Variants in PLCZ1 observed in about 807,000 individuals in gnomAD.
The protein encoded by PLCZ1 is phospholipase C zeta 1.
PLCZ1 carries 64 observed loss-of-function variants against 76.8 expected under a neutral mutation model. That is an observed-to-expected ratio of 0.83 (90% CI 0.68 to 1.03). PLCZ1 has a LOEUF of 1.03. Ranked by LOEUF, PLCZ1 falls within the 50% of genes least tolerant of loss-of-function variation. The pLI is 0.00. For synonymous variants in PLCZ1, 248 were observed against 230.8 expected, an observed-to-expected ratio of 1.07 and a Z score of -0.68; for missense variants, 751 against 713.7, an observed-to-expected ratio of 1.05 and a Z score of -0.60.
At chr12:18,721,653 C>A (rs544949166) in intron 4 of PLCZ1, among the ~76,000 whole-genome samples, 1 of 149,230 alleles carries the variant, frequency 6.7e-6, no homozygotes, top group Non-Finnish European at 1.5e-5. Context: ...TTGGCAATGA[C>A]ATAAAGAGCT....
At chr12:18,672,828 C>T in the PLCZ1 span, among the ~76,000 whole-genome samples, 1,065 of 152,180 alleles carry the variant, frequency 7.0e-3, 12 homozygotes, top group African/African-American at 0.024. Flanking sequence ...AGAAATGCTT[C>T]GATGTAGTCC....
the PLCZ1 span, among the ~76,000 whole-genome samples, chr12:18,670,163 T>C: frequency 0.011 from 1,693 of 152,254 alleles, 7 homozygotes; most frequent in African/African-American, 0.016. Context: ...GATCATTAGA[T>C]AGAAGAAGTA....
chr12:18,692,134 G>A (rs905703149), intron 12 of PLCZ1, among the ~76,000 whole-genome samples: 2 of 152,170 alleles, frequency 1.3e-5, no homozygotes, highest in Non-Finnish European at 2.9e-5. Flanking sequence ...GGGGAGCAGA[G>A]GAGCGCTCAG....
intron 4 of PLCZ1, 96 bp from the exon 5 acceptor site, chr12:18,719,728 G>T: frequency 1.3e-6 from 1 of 772,530 alleles, no homozygotes; most frequent in Non-Finnish European, 2.0e-6. Context: ...CAGTAGTAGA[G>T]CATATTTCTA....
intron 11 of PLCZ1, 91 bp downstream of exon 11, chr12:18,696,059 G>T: frequency 4.3e-6 from 3 of 696,942 alleles, no homozygotes; most frequent in South Asian, 1.6e-5. Context: ...ATCTTTTACA[G>T]AAAGCCCTTT....
At position 18,696,348 on chromosome 12, in the gene PLCZ1, A is replaced by ATATATATATATATATATATATATATC. The variant is rs10523511; in HGVS notation, c.1175-83_1175-82insGATATATATATATATATATATATATA. On this transcript the variant is annotated intron_variant, in intron 10 of 14. Coordinates refer to ENST00000266505, the MANE Select transcript of PLCZ1 (RefSeq NM_033123.4). ...TATATATATATATATATATATATAT[A>ATATATATATATATATATATATATATC]TATCATATAATTCTATAATAGTTTC... The ATATATATATATATATATATATATATC allele has an allele frequency of 7.7e-4, 164 of 214,238 alleles. 3 individuals are homozygous for ATATATATATATATATATATATATATC. Among genetic ancestry groups the ATATATATATATATATATATATATATC allele is most frequent in the Non-Finnish European group, 9.4e-4 (117 of 124,670 alleles). 13.3% of individuals were successfully genotyped at this position (214,238 alleles called of 1,614,324 possible).
chr12:18,684,417 T>C (rs1453991860), intron 13 of PLCZ1, 138 bp from the exon 14 acceptor site: 7 of 742,040 alleles, frequency 9.4e-6, no homozygotes, highest in African/African-American at 1.8e-5. Context: ...AGGTTTTTAA[T>C]ATACTCAGTG....
At position 18,693,813 on chromosome 12, in the gene PLCZ1, G is replaced by A. The variant is rs1015891777; in HGVS notation, c.1461+1097C>T. 3.3e-6 allele frequency: 5 copies of A among 1,521,494 alleles called. No individual in the cohort carries two copies. The Admixed American group carries it at 5.0e-5, about 15-fold the overall frequency. The allele number at this position is 1,521,494 out of a possible 1,614,324, so 94.2% of individuals were successfully genotyped here. ...GATCCAGCGCTTATCAGACCAGGCC[G>A]CATTGGCAGGAAGATTGAGTTCCCC... On this transcript the variant is annotated intron_variant, in intron 12 of 14. Coordinates refer to ENST00000266505, the MANE Select transcript of PLCZ1 (RefSeq NM_033123.4).
chr12:18,700,051 C>T, intron 9 of PLCZ1, 101 bp from the exon 10 acceptor site: 1 of 1,012,526 alleles, frequency 9.9e-7, no homozygotes, highest in South Asian at 1.4e-5. Flanking sequence ...TGATTTTCAT[C>T]TTTTCATAAG....
At chr12:18,714,340 T>A (rs1957698139) in intron 5 of PLCZ1, among the ~76,000 whole-genome samples, 1 of 152,048 alleles carries the variant, frequency 6.6e-6, no homozygotes, top group African/African-American at 2.4e-5. Context: ...CATAAGGCAA[T>A]GGTTAGTGCT....
At chr12:18,704,216 T>C (rs1044019281) in intron 7 of PLCZ1, among the ~76,000 whole-genome samples, 7 of 152,174 alleles carry the variant, frequency 4.6e-5, no homozygotes, top group African/African-American at 1.7e-4. Context: ...AGAAAATCTT[T>C]GATGAATGTG....
the PLCZ1 span, among the ~76,000 whole-genome samples, chr12:18,668,432 G>A: frequency 6.6e-6 from 1 of 152,128 alleles, no homozygotes; most frequent in African/African-American, 2.4e-5. Flanking sequence ...AAATCAAATG[G>A]AACCCAACCT....
intron 13 of PLCZ1, chr12:18,685,754 T>G (rs1953015594): frequency 2.4e-6 from 1 of 411,020 alleles, no homozygotes; most frequent in African/African-American, 2.0e-5. Flanking sequence ...TTATACTGAT[T>G]TCTTCTTCCT....
intron 9 of PLCZ1, 143 bp downstream of exon 9, chr12:18,701,358 T>A (rs951702941): frequency 2.8e-6 from 4 of 1,437,142 alleles, no homozygotes; most frequent in Non-Finnish European, 3.7e-6. Flanking sequence ...ACCATCGATG[T>A]TTTCAAAGTA....
the PLCZ1 span, among the ~76,000 whole-genome samples, chr12:18,663,529 T>C: frequency 6.6e-6 from 1 of 152,120 alleles, no homozygotes; most frequent in African/African-American, 2.4e-5. Flanking sequence ...TGGATTTTGA[T>C]ATCCATAGGA....
At chr12:18,657,421 A>C in the PLCZ1 span, among the ~76,000 whole-genome samples, 8 of 151,940 alleles carry the variant, frequency 5.3e-5, no homozygotes, top group African/African-American at 1.9e-4. Context: ...ATGAAAGCAC[A>C]AATGAAGACT....
chr12:18,713,833 A>T (rs1280629816), intron 5 of PLCZ1: 1 of 152,214 alleles, frequency 6.6e-6, no homozygotes, highest in African/African-American at 2.4e-5. Flanking sequence ...TACCTAAAAA[A>T]TAAATATTGG....
At chr12:18,674,142 T>C in the PLCZ1 span, among the ~76,000 whole-genome samples, 1 of 152,160 alleles carries the variant, frequency 6.6e-6, no homozygotes, top group Non-Finnish European at 1.5e-5. Context: ...GAAAAGCATA[T>C]AGAAACACAT....
rs559067913 is a variant in PLCZ1 at position 18,708,767 on chromosome 12, T to C, written c.715-3452A>G. On this transcript the variant is annotated intron_variant, in intron 6 of 14. Coordinates refer to ENST00000266505, the MANE Select transcript of PLCZ1 (RefSeq NM_033123.4). The stretch of plus-strand genomic sequence containing the variant: ...TTTGCATTTCCCTGGTGACTAATAA[T>C]GTTGAGTACCTTTTCATATACTTGT... Among the ~76,000 whole-genome samples the C allele has an allele frequency of 3.9e-5, 6 of 152,316 alleles. No individual in the cohort carries two copies. In the East Asian group the frequency reaches 1.2e-3, roughly 29 times the overall value.
Sources: allele counts gnomAD v4.1 joint callset (sites outside exome capture counted in the v4.1 genomes callset), GRCh38; gene constraint gnomAD v4.1.1; transcripts MANE v1.5; gene names NCBI Gene and HGNC (gene_info 2026-07-23, HGNC 2026-07-21).